Variants in CCDC7 observed in about 807,000 individuals in gnomAD.
CCDC7 encodes the protein coiled-coil domain-containing protein 7.
In CCDC7, 183 loss-of-function variants were observed where a neutral mutation model predicts 196.9. That is an observed-to-expected ratio of 0.93 (90% CI 0.82 to 1.05). CCDC7 has a LOEUF of 1.05. Among genes scored for constraint, CCDC7 ranks in the 50% least tolerant of loss-of-function variants. The probability of loss-of-function intolerance (pLI) is 0.00; values close to 1 mark genes in which losing one functional copy is unlikely to be tolerated. For missense variants in CCDC7, 1,540 were observed against 1,482.2 expected (o/e 1.04, Z -0.64); for synonymous variants, 525 against 484.6 (o/e 1.08, Z -1.10).
At chr10:32,679,522 G>A (rs2075542390) in intron 21 of CCDC7, among the ~76,000 whole-genome samples, 1 of 152,218 alleles carries the variant, frequency 6.6e-6, no homozygotes, top group South Asian at 2.1e-4. Flanking sequence ...AAGAGTGTAA[G>A]TAGTCGAATA....
chr10:32,850,025 A>C (rs1391520979), intron 39 of CCDC7, among the ~76,000 whole-genome samples: 1 of 152,138 alleles, frequency 6.6e-6, no homozygotes, highest in Non-Finnish European at 1.5e-5. Context: ...GGTGGAAAAA[A>C]ATGCAAACTC....
chr10:32,570,680 G>C (rs2057427794), intron 15 of CCDC7, among the ~76,000 whole-genome samples: 1 of 152,176 alleles, frequency 6.6e-6, no homozygotes, highest in Non-Finnish European at 1.5e-5. Flanking sequence ...GGACAAACAT[G>C]AGTAATTTTC....
At chr10:32,686,580 G>T (rs557673967) in intron 22 of CCDC7, among the ~76,000 whole-genome samples, 2 of 152,148 alleles carry the variant, frequency 1.3e-5, no homozygotes, top group Non-Finnish European at 2.9e-5. Context: ...AGGCCTTTTT[G>T]GTAACTTTAA....
Position 32,816,724 on chromosome 10 carries a change from A to G in CCDC7, c.3181+2271A>G, listed in dbSNP as rs2088672222. On this transcript the variant is annotated intron_variant, in intron 31 of 41. Transcript: ENST00000639629. ...CTCCGCTGCTGATACCCAGGCAAAC[A>G]GGGTCTGGAGTAGACCTCCAGCAAA... 3.9e-5 allele frequency among the ~76,000 whole-genome samples: 6 copies of G among 152,304 alleles called. No homozygotes were observed. In the South Asian group the frequency reaches 1.2e-3, roughly 32 times the overall value.
intron 24 of CCDC7, among the ~76,000 whole-genome samples, chr10:32,711,135 T>C (rs1401808810): frequency 6.9e-6 from 1 of 144,228 alleles, no homozygotes; most frequent in Non-Finnish European, 1.5e-5. Flanking sequence ...TGTATATATA[T>C]ATAAATATAT....
chr10:32,705,694 A>T (rs2079606503), intron 24 of CCDC7, among the ~76,000 whole-genome samples: 1 of 152,182 alleles, frequency 6.6e-6, no homozygotes, highest in African/African-American at 2.4e-5. Flanking sequence ...ACAGACTTTA[A>T]ACCAACAAAG....
intron 21 of CCDC7, among the ~76,000 whole-genome samples, chr10:32,685,254 G>T (rs182320034): frequency 2.0e-4 from 29 of 147,992 alleles, no homozygotes; most frequent in African/African-American, 6.2e-4. Context: ...AATCCCTACA[G>T]GTCAGTTTAT....
At chr10:32,580,462 T>C (rs911818975) in intron 16 of CCDC7, among the ~76,000 whole-genome samples, 2 of 152,116 alleles carry the variant, frequency 1.3e-5, no homozygotes, top group African/African-American at 2.4e-5. Context: ...TTGATCAACA[T>C]TAATTGTATT....
intron 18 of CCDC7, among the ~76,000 whole-genome samples, chr10:32,615,028 C>G (rs2062626074): frequency 6.6e-6 from 1 of 152,114 alleles, no homozygotes; most frequent in Non-Finnish European, 1.5e-5. Context: ...CATACCTACA[C>G]CCACCCACCA....
At chr10:32,845,284 A>G (rs769941813) in exon 34 of CCDC7, 3 of 1,576,230 alleles carry the variant, frequency 1.9e-6, no homozygotes, top group South Asian at 1.1e-5. Context: ...TGGAAGAGGT[A>G]TAATAAAGGG....
intron 24 of CCDC7, among the ~76,000 whole-genome samples, chr10:32,706,998 C>G (rs1362538366): frequency 6.6e-6 from 1 of 152,168 alleles, no homozygotes; most frequent in Non-Finnish European, 1.5e-5. Flanking sequence ...GATACCAAAG[C>G]CTGGCAGAGA....
At chr10:32,698,082 A>G (rs2078026003) in intron 24 of CCDC7, among the ~76,000 whole-genome samples, 1 of 152,066 alleles carries the variant, frequency 6.6e-6, no homozygotes, top group Non-Finnish European at 1.5e-5. Context: ...GTGGACCTCC[A>G]GCAAGCTCCA....
chr10:32,605,031 G>A (rs1228448454), intron 18 of CCDC7, among the ~76,000 whole-genome samples: 1 of 152,118 alleles, frequency 6.6e-6, no homozygotes, highest in Non-Finnish European at 1.5e-5. Flanking sequence ...ATGTGTTAGA[G>A]TTGTGGGGGC....
intron 24 of CCDC7, among the ~76,000 whole-genome samples, chr10:32,706,857 C>T (rs756903662): frequency 6.6e-6 from 1 of 152,160 alleles, no homozygotes; most frequent in Non-Finnish European, 1.5e-5. Flanking sequence ...AGGTCCAGGA[C>T]CTGATGGATT....
chr10:32,725,105 C>T (rs953680187), intron 25 of CCDC7, among the ~76,000 whole-genome samples: 2 of 152,122 alleles, frequency 1.3e-5, no homozygotes, highest in South Asian at 2.1e-4. Context: ...TACATGAATA[C>T]ACATATTTTA....
intron 28 of CCDC7, among the ~76,000 whole-genome samples, chr10:32,772,485 G>A (rs531111678): frequency 6.6e-6 from 1 of 152,330 alleles, no homozygotes; most frequent in African/African-American, 2.4e-5. Flanking sequence ...TGAATCCACA[G>A]CTACAACACT....
chr10:32,545,126 C>G (rs1460155875), intron 13 of CCDC7, among the ~76,000 whole-genome samples: 1 of 151,940 alleles, frequency 6.6e-6, no homozygotes, highest in South Asian at 2.1e-4. Flanking sequence ...TTAATTGTCT[C>G]AGATATCTTC....
intron 31 of CCDC7, among the ~76,000 whole-genome samples, chr10:32,818,185 A>G (rs1425541159): frequency 6.6e-6 from 1 of 152,220 alleles, no homozygotes; most frequent in Non-Finnish European, 1.5e-5. Flanking sequence ...AAGGGTTGCA[A>G]TCCTAGTTTC....
At chr10:32,706,163 A>T (rs2079709943) in intron 24 of CCDC7, among the ~76,000 whole-genome samples, 1 of 152,126 alleles carries the variant, frequency 6.6e-6, no homozygotes, top group Admixed American at 6.5e-5. Flanking sequence ...GGATTGAGAA[A>T]CTCTTTCAAA....
Sources: allele counts gnomAD v4.1 joint callset (sites outside exome capture counted in the v4.1 genomes callset), GRCh38; gene constraint gnomAD v4.1.1; transcripts MANE v1.5; gene names NCBI Gene and HGNC (gene_info 2026-07-23, HGNC 2026-07-21).